Variants in DZIP1 observed in about 807,000 individuals in gnomAD.
DZIP1 encodes the protein DAZ interacting zinc finger protein 1, also known as cilium assembly protein DZIP1.
DZIP1 carries 97 observed loss-of-function variants against 107.6 expected under a neutral mutation model. The observed-to-expected ratio is 0.90, with a 90% confidence interval of 0.77 to 1.07. The LOEUF (loss-of-function observed/expected upper bound fraction) is 1.07, where lower values mean the gene tolerates loss of function less well. Among genes scored for constraint, DZIP1 ranks in the 50% least tolerant of loss-of-function variants. The pLI is 0.00. For synonymous variants in DZIP1, 390 were observed against 386.4 expected (o/e 1.01, Z -0.11); for missense variants, 1,035 against 1,063.6 (o/e 0.97, Z 0.37).
chr13:95,605,164 T>C (rs2044735652), intron 14 of DZIP1, among the ~76,000 whole-genome samples: 1 of 152,202 alleles, frequency 6.6e-6, no homozygotes, highest in African/African-American at 2.4e-5. Context: ...ACAATATCTA[T>C]GAAGACAAAA....
At position 95,642,091 on chromosome 13, in the gene DZIP1, C is replaced by A. The variant is rs1221345037; in HGVS notation, c.-62G>T. Reference sequence around the variant, plus strand: ...CCTCCCGGGCCGCCGCCGCCACAGCCCTCAGGAGCGGGAGAAGGCCGGGTT... The same window carrying A: ...CCTCCCGGGCCGCCGCCGCCACAGCACTCAGGAGCGGGAGAAGGCCGGGTT... On this transcript the variant is annotated 5_prime_UTR_variant, in exon 4 of 23. Transcript: ENST00000376829. 2 of 1,457,364 alleles carry A rather than the reference C, an allele frequency of 1.4e-6. No homozygotes were observed. The highest frequency in any genetic ancestry group is 3.0e-5 in the African/African-American group (2 of 66,856). The allele number at this position is 1,457,364 out of a possible 1,614,324, so 90.3% of individuals were successfully genotyped here.
intron 10 of DZIP1, among the ~76,000 whole-genome samples, chr13:95,616,939 G>A (rs1875165307): frequency 6.6e-6 from 1 of 152,136 alleles, no homozygotes; most frequent in Non-Finnish European, 1.5e-5. Flanking sequence ...CAGGCATGGT[G>A]GCTCACGCCT....
At chr13:95,610,867 C>A (rs1015537926) in intron 12 of DZIP1, among the ~76,000 whole-genome samples, 4 of 152,200 alleles carry the variant, frequency 2.6e-5, no homozygotes, top group Admixed American at 2.0e-4. Flanking sequence ...CTGTCTCATG[C>A]ATTAGCTGGC....
In DZIP1 at chr13:95,638,868, C is replaced by A. The variant is rs193201960; in HGVS notation, c.597+2427G>T. Among the ~76,000 whole-genome samples the A allele has an allele frequency of 4.5e-3, 691 of 152,296 alleles. 7 individuals carry two copies. Among genetic ancestry groups the A allele is most frequent in the African/African-American group, 0.015 (623 of 41,562 alleles). On this transcript the variant is annotated intron_variant, in intron 5 of 22. Coordinates refer to ENST00000376829, the MANE Select transcript of DZIP1 (RefSeq NM_198968.4). ...AGACCACAATTTCTCAAAGGTAAAACTGATAATGCGGTGGACCCAATCATT... is the reference window on the plus strand; with the variant it reads ...AGACCACAATTTCTCAAAGGTAAAAATGATAATGCGGTGGACCCAATCATT...
rs372868725 is a variant in DZIP1 at position 95,612,144 on chromosome 13, T to C, written c.1207A>G (p.Met403Val). 5.6e-6 allele frequency: 9 copies of C among 1,612,964 alleles called. No individual in the cohort carries two copies. The highest frequency in any genetic ancestry group is 1.3e-5 in the African/African-American group (1 of 75,030). ...LSHIEKLRTS[M>V]IDDLNASNVF... is the part of the protein sequence containing the mutation. ...TTGCTTGCATTTAGATCATCTATCA[T>C]TGAGGTTCGAAGTTTCTCTATATGT... The change falls in exon 11 of 23, where the codon ATG (methionine) becomes GTG (valine). Residue 403 changes from methionine (M) to valine (V), a missense_variant. Met to Val is a conservative substitution (Grantham distance 21). Coordinates refer to ENST00000376829, the MANE Select transcript of DZIP1 (RefSeq NM_198968.4).
At chr13:95,593,795 A>T (rs2044372866) in intron 16 of DZIP1, 149 bp downstream of exon 16, 1 of 844,444 alleles carries the variant, frequency 1.2e-6, no homozygotes, top group African/African-American at 1.8e-5. Context: ...ATGCTATTCA[A>T]GTGTTTGATA....
In DZIP1 at chr13:95,641,803, T is replaced by C; in HGVS notation, c.89A>G (p.Asp30Gly). ...CGCGGCGGCGGCGGCCACAGCGACG[T>C]CGGGCCCCTCTGGGCCGCTGGCGAG... ...YPLASGPEGP[D>G]VAVAAAAAGA... The change falls in exon 5 of 23, where the codon GAC becomes GGC. Residue 30 changes from aspartate (D) to glycine (G), a missense_variant. Coordinates refer to ENST00000376829, the MANE Select transcript of DZIP1 (RefSeq NM_198968.4). The surrounding 1 kb of genome is among the most constrained non-coding windows in gnomAD (Gnocchi z 4.3). 1 of 1,490,454 alleles carries C rather than the reference T, an allele frequency of 6.7e-7. No homozygotes were observed. Among genetic ancestry groups the C allele is most frequent in the Middle Eastern group, 2.0e-4 (1 of 4,948 alleles). 92.3% of individuals were successfully genotyped at this position (1,490,454 alleles called of 1,614,324 possible). A position where few individuals can be genotyped will look rare whatever the true frequency, so the allele number is the denominator to read the frequency against.
At chr13:95,617,842 C>T (rs1218441948) in intron 10 of DZIP1, 2 of 507,972 alleles carry the variant, frequency 3.9e-6, no homozygotes, top group Admixed American at 2.0e-5. Flanking sequence ...TTAGTTAATG[C>T]AGGGCAACAG....
At chr13:95,598,346 A>C (rs1253589787) in intron 15 of DZIP1, among the ~76,000 whole-genome samples, 2 of 152,218 alleles carry the variant, frequency 1.3e-5, no homozygotes, top group African/African-American at 2.4e-5. Context: ...ACATGGAAGC[A>C]AAATAAACAA....
rs758799927 is a variant in DZIP1 at position 95,590,308 on chromosome 13, T to G, written c.1814A>C (p.Lys605Thr). 9.3e-6 allele frequency: 15 copies of G among 1,613,550 alleles called. No individual in the cohort carries two copies. The East Asian group carries it at 3.1e-4, about 34-fold the overall frequency. ...AGAGAGTAGTGCTTTCTCCTCAATT[T>G]TACAGCTGACTTGATGTTCAAGGAA... Reference protein sequence around the residue: ...REFLEHQVSCKIEEKALLSSD... With the variant: ...REFLEHQVSCTIEEKALLSSD... The change falls in exon 17 of 23, where the codon AAA becomes ACA. Residue 605 changes from lysine to threonine, a missense_variant. Lys to Thr is a moderately conservative substitution (Grantham distance 78). Coordinates refer to ENST00000376829, the MANE Select transcript of DZIP1 (RefSeq NM_198968.4).
chr13:95,599,308 A>G, intron 15 of DZIP1, 57 bp downstream of exon 15: 1 of 1,474,104 alleles, frequency 6.8e-7, no homozygotes, highest in Non-Finnish European at 9.4e-7. Context: ...TTCCAGGCCT[A>G]GATTTTGGCA....
In DZIP1 at chr13:95,590,218, AG is replaced by A. The variant is rs1031016838; in HGVS notation, c.1843+60del. On this transcript the variant is annotated intron_variant, in intron 17 of 22. Transcript: ENST00000376829. ...TTTAATGATATCTTGTGGTGAAAAAAGAAGAAAAAAAGAAAAAGTTGTTAAA... is the reference window on the plus strand; with the variant it reads ...TTTAATGATATCTTGTGGTGAAAAAAAAGAAAAAAAGAAAAAGTTGTTAAA... 7 of 1,438,080 alleles carry A rather than the reference AG, an allele frequency of 4.9e-6. No individual in the cohort carries two copies. In the African/African-American group the frequency reaches 1.0e-4, roughly 21 times the overall value. The allele number at this position is 1,438,080 out of a possible 1,614,324, so 89.1% of individuals were successfully genotyped here. A position where few individuals can be genotyped will look rare whatever the true frequency, so the allele number is the denominator to read the frequency against.
At chr13:95,597,509 G>A (rs995044511) in intron 15 of DZIP1, among the ~76,000 whole-genome samples, 2 of 152,316 alleles carry the variant, frequency 1.3e-5, no homozygotes, top group African/African-American at 4.8e-5. Context: ...AATAGGGATG[G>A]TTGAAAATCA....
intron 13 of DZIP1, among the ~76,000 whole-genome samples, chr13:95,608,638 C>A (rs552083097): frequency 1.3e-5 from 2 of 152,244 alleles, no homozygotes; most frequent in Middle Eastern, 6.8e-3. Context: ...GGCACTTAAA[C>A]TCCTCTCCTC....
At chr13:95,590,016 A>G (rs1257558602) in intron 17 of DZIP1, 84 bp from the exon 18 acceptor site, 13 of 1,486,698 alleles carry the variant, frequency 8.7e-6, no homozygotes, top group East Asian at 2.3e-5. Context: ...AATACCCCCT[A>G]TGCTGCTGTG....
intron 6 of DZIP1, among the ~76,000 whole-genome samples, chr13:95,630,531 C>T (rs1370753632): frequency 2.0e-5 from 3 of 151,998 alleles, no homozygotes; most frequent in Non-Finnish European, 4.4e-5. Flanking sequence ...TGGTCACCAT[C>T]CTTTAGGTGC....
intron 14 of DZIP1, among the ~76,000 whole-genome samples, chr13:95,602,896 C>T (rs1057201840): frequency 2.0e-5 from 3 of 152,194 alleles, no homozygotes; most frequent in Non-Finnish European, 4.4e-5. Flanking sequence ...ACACAATACA[C>T]CAGAAGTCTA....
At chr13:95,627,977 G>A (rs1028603301) in intron 7 of DZIP1, among the ~76,000 whole-genome samples, 1 of 152,030 alleles carries the variant, frequency 6.6e-6, no homozygotes, top group Non-Finnish European at 1.5e-5. Context: ...ACTGATACAT[G>A]TTACAACTTA....
chr13:95,639,812 GA>G (rs1401109777), intron 5 of DZIP1, among the ~76,000 whole-genome samples: 1 of 151,704 alleles, frequency 6.6e-6, no homozygotes, highest in African/African-American at 2.4e-5. Flanking sequence ...CGTTGCACAA[GA>G]AAAAAACCAT....
Sources: gnomAD v4.1 joint callset for allele counts (sites outside exome capture counted in the v4.1 genomes callset) on GRCh38, gnomAD v4.1.1 for gene constraint, Gnocchi (gnomAD v3.1) non-coding constraint, MANE v1.5 for transcripts, NCBI Gene and HGNC (gene_info 2026-07-23, HGNC 2026-07-21) for gene names.